PDE1C: variants seen among roughly 807,000 people sequenced by gnomAD.
PDE1C encodes the protein phosphodiesterase 1C.
Under a neutral mutation model 93.1 loss-of-function variants are expected in PDE1C, and 62 were observed. The observed-to-expected ratio is 0.67, with a 90% CI of 0.54 to 0.82. The LOEUF (loss-of-function observed/expected upper bound fraction) is 0.82. PDE1C is among the 40% of genes least tolerant of loss of function. The probability of loss-of-function intolerance (pLI) is 0.00; values close to 1 mark genes in which losing one functional copy is unlikely to be tolerated. For missense variants in PDE1C, 742 were observed against 884.6 expected (o/e 0.84, Z 2.04); for synonymous variants, 325 against 310.1 (o/e 1.05, Z -0.50).
chr7:31,989,729 C>A (rs770877849), intron 2 of PDE1C, among the ~76,000 whole-genome samples: 2 of 152,128 alleles, frequency 1.3e-5, no homozygotes, highest in Non-Finnish European at 2.9e-5. Context: ...TTTTGCTCTC[C>A]CTGGCTACGA....
chr7:31,618,737 A>C, the PDE1C span, among the ~76,000 whole-genome samples: 1 of 152,212 alleles, frequency 6.6e-6, no homozygotes, highest in African/African-American at 2.4e-5. Flanking sequence ...AAAGCTAAGC[A>C]ACTTGCTCAA....
chr7:31,956,052 G>A (rs1262732031), intron 2 of PDE1C, among the ~76,000 whole-genome samples: 1 of 152,146 alleles, frequency 6.6e-6, no homozygotes, highest in South Asian at 2.1e-4. Flanking sequence ...GTGAGGACCA[G>A]CAGAGCTTCT....
intron 1 of PDE1C, among the ~76,000 whole-genome samples, chr7:32,065,065 A>C (rs1172671754): frequency 1.1e-4 from 1 of 8,994 alleles, no homozygotes; most frequent in Non-Finnish European, 2.5e-4. Flanking sequence ...GGGGGGGGGG[A>C]GGAGCCGGGG....
At chr7:31,708,068 T>C in the PDE1C span, 1 of 152,390 alleles carries the variant, frequency 6.6e-6, no homozygotes, top group South Asian at 2.1e-4. Context: ...ATGAATTTAC[T>C]GTAAAAAAAT....
At chr7:31,832,406 G>T (rs1002543657) in intron 11 of PDE1C, among the ~76,000 whole-genome samples, 2 of 152,122 alleles carry the variant, frequency 1.3e-5, no homozygotes, top group East Asian at 3.9e-4. Flanking sequence ...GTAAATTATG[G>T]TTATAAAACT....
chr7:32,286,209 T>C (rs181748729), intron 1 of PDE1C, among the ~76,000 whole-genome samples: 1 of 152,282 alleles, frequency 6.6e-6, no homozygotes, highest in Admixed American at 6.5e-5. Context: ...GAGGAGATGA[T>C]AGATGTCCCA....
intron 2 of PDE1C, among the ~76,000 whole-genome samples, chr7:31,965,762 G>A (rs1247065614): frequency 6.6e-6 from 1 of 152,186 alleles, no homozygotes; most frequent in Non-Finnish European, 1.5e-5. Flanking sequence ...CTGATCTCTT[G>A]GCATAAACTC....
At chr7:32,265,820 A>C (rs1036517292) in intron 1 of PDE1C, among the ~76,000 whole-genome samples, 2 of 152,208 alleles carry the variant, frequency 1.3e-5, no homozygotes, top group African/African-American at 2.4e-5. Flanking sequence ...GAAGGAAGAC[A>C]TCACTTCCAA....
intron 2 of PDE1C, among the ~76,000 whole-genome samples, chr7:32,000,022 C>T (rs1785258034): frequency 6.6e-6 from 1 of 152,154 alleles, no homozygotes; most frequent in Non-Finnish European, 1.5e-5. Context: ...ACAAATTTGG[C>T]AAGCTGCTCA....
At chr7:32,282,507 T>TAGATAGATAGATAGATAGAC (rs1562647692) in intron 1 of PDE1C, among the ~76,000 whole-genome samples, 11 of 151,262 alleles carry the variant, frequency 7.3e-5, no homozygotes, top group Non-Finnish European at 1.3e-4. Flanking sequence ...GATAGATAGA[T>TAGATAGATAGATAGATAGAC]AGATGGTCAA....
chr7:31,642,033 G>T, the PDE1C span: 1 of 511,120 alleles, frequency 2.0e-6, no homozygotes, highest in Non-Finnish European at 3.5e-6. Flanking sequence ...AATGTCCTTG[G>T]AATTCCCTCA....
chr7:31,731,750 G>T, the PDE1C span, among the ~76,000 whole-genome samples: 1 of 149,362 alleles, frequency 6.7e-6, no homozygotes, highest in South Asian at 2.1e-4. Context: ...ACTAGCACCC[G>T]GGTCTGGTGC....
At chr7:31,909,081 G>A (rs1368222831) in intron 2 of PDE1C, among the ~76,000 whole-genome samples, 1 of 152,046 alleles carries the variant, frequency 6.6e-6, no homozygotes, top group Admixed American at 6.6e-5. Context: ...GCTTTTGCTT[G>A]CAAGAAGTCT....
chr7:31,948,304 G>T (rs1265670787), intron 2 of PDE1C, among the ~76,000 whole-genome samples: 2 of 152,158 alleles, frequency 1.3e-5, no homozygotes, highest in African/African-American at 4.8e-5. Flanking sequence ...CTCTTATGTG[G>T]TAAACATAGA....
chr7:32,270,771 G>T (rs777185899), intron 1 of PDE1C, among the ~76,000 whole-genome samples: 4 of 152,122 alleles, frequency 2.6e-5, no homozygotes, highest in Non-Finnish European at 5.9e-5. Flanking sequence ...GCAAATTCCA[G>T]CTTTGCCATT....
chr7:31,963,506 T>A (rs1273781452), intron 2 of PDE1C, among the ~76,000 whole-genome samples: 1 of 152,232 alleles, frequency 6.6e-6, no homozygotes, highest in African/African-American at 2.4e-5. Flanking sequence ...CTTGCTGAGT[T>A]ACTCTTAGAA....
intron 2 of PDE1C, among the ~76,000 whole-genome samples, chr7:31,910,780 G>C (rs1377721367): frequency 6.6e-6 from 1 of 152,198 alleles, no homozygotes; most frequent in East Asian, 1.9e-4. Context: ...TCTGTCAAGG[G>C]GGAAAATAGC....
At chr7:32,244,918 G>A (rs1049485750) in intron 1 of PDE1C, among the ~76,000 whole-genome samples, 3 of 152,276 alleles carry the variant, frequency 2.0e-5, no homozygotes, top group Non-Finnish European at 2.9e-5. Flanking sequence ...CTATCAGAGC[G>A]GTACTGGTTG....
At chr7:31,922,987 G>C (rs1023342787) in intron 2 of PDE1C, among the ~76,000 whole-genome samples, 7 of 152,110 alleles carry the variant, frequency 4.6e-5, no homozygotes, top group African/African-American at 1.7e-4. Flanking sequence ...CTGTCAGCTT[G>C]GGTGCATTTT....
Sources: allele counts gnomAD v4.1 joint callset (sites outside exome capture counted in the v4.1 genomes callset), GRCh38; gene constraint gnomAD v4.1.1; transcripts MANE v1.5; gene names NCBI Gene and HGNC (gene_info 2026-07-23, HGNC 2026-07-21).